ZNF385D: variants seen among roughly 807,000 people sequenced by gnomAD.
The protein encoded by ZNF385D is zinc finger protein 659.
A neutral mutation model predicts 35.8 loss-of-function variants in ZNF385D; 15 were observed. The observed-to-expected ratio is 0.42, with a 90% CI of 0.28 to 0.64. The LOEUF (loss-of-function observed/expected upper bound fraction) is 0.64. Among genes scored for constraint, ZNF385D ranks in the 30% least tolerant of loss-of-function variants. The pLI, the probability that ZNF385D is intolerant of heterozygous loss-of-function variation, is 0.23. For synonymous variants in ZNF385D, 212 were observed against 186.8 expected, an observed-to-expected ratio of 1.13 and a Z score of -1.10; for missense variants, 474 against 494.6, an observed-to-expected ratio of 0.96 and a Z score of 0.39.
At chr3:21,685,615 A>T (rs2067078791) in intron 1 of ZNF385D, among the ~76,000 whole-genome samples, 1 of 152,212 alleles carries the variant, frequency 6.6e-6, no homozygotes, top group South Asian at 2.1e-4. Context: ...CACCTGATGG[A>T]TGTTGAAACC....
intron 1 of ZNF385D, among the ~76,000 whole-genome samples, chr3:21,737,930 C>T (rs1255738233): frequency 6.6e-6 from 1 of 152,290 alleles, no homozygotes; most frequent in Middle Eastern, 3.4e-3. Context: ...ACAGCACTCA[C>T]GTAAAGATAG....
At chr3:21,423,107 G>T (rs554926370) in intron 7 of ZNF385D, among the ~76,000 whole-genome samples, 12 of 152,034 alleles carry the variant, frequency 7.9e-5, no homozygotes, top group African/African-American at 2.4e-4. Context: ...TGGCCCAAAA[G>T]ATCCTTAAGC....
chr3:22,007,021 T>C (rs997527581), intron 3 of ZNF385D, among the ~76,000 whole-genome samples: 6 of 152,164 alleles, frequency 3.9e-5, no homozygotes, highest in Admixed American at 6.5e-5. Context: ...CAATTTGATA[T>C]AGCATTAGAC....
At chr3:22,074,845 C>T (rs1324246611) in intron 3 of ZNF385D, among the ~76,000 whole-genome samples, 1 of 151,838 alleles carries the variant, frequency 6.6e-6, no homozygotes, top group Non-Finnish European at 1.5e-5. Flanking sequence ...CTCTGGAACC[C>T]TTCCCTTTCA....
At chr3:22,264,254 T>C (rs750220687) in intron 2 of ZNF385D, among the ~76,000 whole-genome samples, 5 of 151,958 alleles carry the variant, frequency 3.3e-5, no homozygotes, top group Non-Finnish European at 5.9e-5. Context: ...AATTAATGCA[T>C]AAGAAAAAAC....
At chr3:22,217,287 T>A (rs190703560) in intron 2 of ZNF385D, among the ~76,000 whole-genome samples, 2 of 152,162 alleles carry the variant, frequency 1.3e-5, no homozygotes, top group Non-Finnish European at 2.9e-5. Flanking sequence ...CTTCCCTTTT[T>A]CTGCTCCCTG....
chr3:21,661,570 G>C (rs545084722), intron 2 of ZNF385D, among the ~76,000 whole-genome samples: 1 of 152,262 alleles, frequency 6.6e-6, no homozygotes, highest in South Asian at 2.1e-4. Context: ...GGATCACTGG[G>C]ATCAGAATAT....
At position 21,944,579 on chromosome 3, in the gene ZNF385D, T is replaced by G. The variant is rs562855720; in HGVS notation, c.325+224238A>C. Among the ~76,000 whole-genome samples the G allele has an allele frequency of 4.1e-4, 63 of 152,306 alleles. 1 individual carries two copies. The South Asian group carries it at 0.013, about 31-fold the overall frequency. On this transcript the variant is annotated intron_variant, in intron 3 of 5. Coordinates refer to the ZNF385D transcript ENST00000494108. Reference sequence around the variant, plus strand: ...CCTGAAATTACGTCAACCCTGTACATTTAAGCACTGTTAATCTGCAGCTTT... The same window carrying G: ...CCTGAAATTACGTCAACCCTGTACAGTTAAGCACTGTTAATCTGCAGCTTT...
At chr3:21,676,115 A>G (rs914986248) in intron 1 of ZNF385D, among the ~76,000 whole-genome samples, 5 of 152,148 alleles carry the variant, frequency 3.3e-5, no homozygotes, top group Non-Finnish European at 5.9e-5. Flanking sequence ...AATAAAATTT[A>G]TTAAGAACAG....
intron 2 of ZNF385D, among the ~76,000 whole-genome samples, chr3:22,230,653 T>G (rs78094057): frequency 0.015 from 2,225 of 152,284 alleles, 54 homozygotes; most frequent in African/African-American, 0.05. Flanking sequence ...AGTTAGCTAG[T>G]GAAAATGAGG....
intron 3 of ZNF385D, among the ~76,000 whole-genome samples, chr3:21,560,338 G>T (rs1262943171): frequency 1.3e-5 from 2 of 152,182 alleles, no homozygotes; most frequent in South Asian, 4.1e-4. Context: ...TTCGGATGGG[G>T]TCTGTCAGTG....
intron 3 of ZNF385D, chr3:21,511,768 T>C (rs1187841916): frequency 6.6e-6 from 3 of 456,390 alleles, no homozygotes; most frequent in Middle Eastern, 3.3e-4. Context: ...CTGAGATATA[T>C]AGAGAGAGAG....
At chr3:21,930,382 T>A (rs1475822986) in intron 3 of ZNF385D, among the ~76,000 whole-genome samples, 2 of 150,624 alleles carry the variant, frequency 1.3e-5, no homozygotes, top group African/African-American at 4.9e-5. Flanking sequence ...AATTAGGCAA[T>A]TGCTACTCAG....
chr3:22,314,714 A>C (rs1185539012), intron 2 of ZNF385D, among the ~76,000 whole-genome samples: 1 of 152,116 alleles, frequency 6.6e-6, no homozygotes, highest in East Asian at 1.9e-4. Flanking sequence ...TATCATCCCC[A>C]TTGAGAATGC....
chr3:21,825,545 T>C (rs1007514818), intron 3 of ZNF385D, among the ~76,000 whole-genome samples: 8 of 152,136 alleles, frequency 5.3e-5, no homozygotes, highest in African/African-American at 1.9e-4. Context: ...GCCTTGTGAA[T>C]GACATAGGCC....
chr3:21,836,623 C>G (rs1695346882), intron 3 of ZNF385D, among the ~76,000 whole-genome samples: 1 of 152,084 alleles, frequency 6.6e-6, no homozygotes, highest in Admixed American at 6.6e-5. Context: ...CACAGCCACT[C>G]AACTCTACTA....
intron 2 of ZNF385D, among the ~76,000 whole-genome samples, chr3:21,663,904 T>TAA (rs2066313274): frequency 8.2e-6 from 1 of 121,334 alleles, no homozygotes; most frequent in African/African-American, 3.1e-5. Flanking sequence ...TATATATATA[T>TAA]ATATATATAT....
At chr3:21,554,052 A>G (rs766825453) in intron 3 of ZNF385D, among the ~76,000 whole-genome samples, 5 of 152,158 alleles carry the variant, frequency 3.3e-5, no homozygotes, top group South Asian at 2.1e-4. Context: ...ACTTCCTCCC[A>G]TGAGTTACAA....
intron 3 of ZNF385D, among the ~76,000 whole-genome samples, chr3:21,975,947 G>C (rs56097927): frequency 0.25 from 38,210 of 151,858 alleles, 5,266 homozygotes; most frequent in East Asian, 0.33. Context: ...CATACTTGAA[G>C]GGTAATATGA....
Sources: allele counts gnomAD v4.1 joint callset (sites outside exome capture counted in the v4.1 genomes callset), GRCh38; gene constraint gnomAD v4.1.1; transcripts MANE v1.5; gene names NCBI Gene and HGNC (gene_info 2026-07-23, HGNC 2026-07-21).